SFMBT1: variants seen among roughly 807,000 people sequenced by gnomAD.
SFMBT1 encodes scm-like with four MBT domains protein 1.
SFMBT1 carries 32 observed loss-of-function variants against 108.7 expected under a neutral mutation model. That is an observed-to-expected ratio of 0.29 (90% CI 0.22 to 0.40). SFMBT1 has a LOEUF of 0.40. Ranked by LOEUF, SFMBT1 falls within the 10% of genes least tolerant of loss-of-function variation. The probability of loss-of-function intolerance (pLI) is 1.00; values close to 1 mark genes in which losing one functional copy is unlikely to be tolerated. For missense variants in SFMBT1, 816 were observed against 1,059.6 expected, an observed-to-expected ratio of 0.77 and a Z score of 3.19; for synonymous variants, 348 against 369.5, an observed-to-expected ratio of 0.94 and a Z score of 0.67.
At chr3:52,942,776 A>G (rs1703229175) in intron 4 of SFMBT1, among the ~76,000 whole-genome samples, 1 of 152,190 alleles carries the variant, frequency 6.6e-6, no homozygotes, top group African/African-American at 2.4e-5. Flanking sequence ...CAGCCTCCCA[A>G]AGTGGTGCCA....
chr3:52,926,007 C>T (rs768708003), intron 10 of SFMBT1, 24 bp downstream of exon 10: 3 of 1,600,148 alleles, frequency 1.9e-6, no homozygotes, highest in South Asian at 1.1e-5. Context: ...GCCATAGTGG[C>T]CATGAGGCCG....
At chr3:52,986,583 T>C (rs970664787) in intron 1 of SFMBT1, among the ~76,000 whole-genome samples, 8 of 151,552 alleles carry the variant, frequency 5.3e-5, no homozygotes, top group Non-Finnish European at 7.4e-5. Context: ...CTGGCCAACA[T>C]GGCAAAATCC....
chr3:52,969,325 G>C (rs1177236309), intron 1 of SFMBT1, 67 bp from the exon 2 acceptor site: 5 of 1,415,714 alleles, frequency 3.5e-6, no homozygotes, highest in African/African-American at 1.4e-5. Flanking sequence ...TCATCAAACA[G>C]GGCACTCGAC....
chr3:53,039,356 A>T (rs879875295), intron 1 of SFMBT1, among the ~76,000 whole-genome samples: 10 of 139,252 alleles, frequency 7.2e-5, no homozygotes, highest in Non-Finnish European at 1.1e-4. Context: ...GAATTAAGGC[A>T]ATCACAAAAG....
Position 52,954,418 on chromosome 3 carries a change from T to C in SFMBT1, c.29-7A>G, listed in dbSNP as rs879918739. 5 of 1,605,082 alleles carry C rather than the reference T, an allele frequency of 3.1e-6. No individual in the cohort carries two copies. Among genetic ancestry groups the C allele is most frequent in the Non-Finnish European group, 4.3e-6 (5 of 1,176,370 alleles). ...TCCATACCAGAGCCGGCATCTAGAA[T>C]TAAAAATAAAACAAAAACAGGTGAA... On this transcript the variant is annotated splice_polypyrimidine_tract_variant and splice_region_variant and intron_variant, in intron 2 of 20. Coordinates refer to ENST00000394752, the MANE Select transcript of SFMBT1 (RefSeq NM_016329.4).
At chr3:53,045,686 G>A (rs1244869789) in intron 1 of SFMBT1, 130 bp downstream of exon 1, 1 of 129,276 alleles carries the variant, frequency 7.7e-6, no homozygotes. Context: ...GCCGGCGCCC[G>A]GCGGTTTCCC....
rs1332848464 is a variant in SFMBT1, at chr3:52,993,625, A to C, written c.-130-24367T>G. The stretch of plus-strand genomic sequence containing the variant: ...CCTAGTAGGAGGTACAACTATGTAG[A>C]AACACTACAAAGTTACTGTGACAGT... On this transcript the variant is annotated intron_variant, in intron 1 of 20. Transcript: ENST00000394752. 1.3e-5 allele frequency among the ~76,000 whole-genome samples: 2 copies of C among 150,110 alleles called. 1 individual carries two copies. Among genetic ancestry groups the C allele is most frequent in the Admixed American group, 1.4e-4 (2 of 14,784 alleles).
intron 7 of SFMBT1, 72 bp downstream of exon 7, chr3:52,930,869 C>T: frequency 7.6e-7 from 1 of 1,310,730 alleles, no homozygotes; most frequent in East Asian, 2.3e-5. Context: ...CTGCTTTACA[C>T]TTTCACCTCC....
intron 1 of SFMBT1, among the ~76,000 whole-genome samples, chr3:53,013,936 A>G (rs1184305613): frequency 1.3e-5 from 2 of 152,102 alleles, no homozygotes; most frequent in Non-Finnish European, 2.9e-5. Context: ...GCCAAGAATC[A>G]TTTTATTTAA....
At chr3:52,906,954 A>G in intron 19 of SFMBT1, 115 bp downstream of exon 19, 1 of 1,341,276 alleles carries the variant, frequency 7.5e-7, no homozygotes, top group Non-Finnish European at 9.9e-7. Context: ...GACCCTGGAA[A>G]TTCTACATAA....
intron 4 of SFMBT1, among the ~76,000 whole-genome samples, chr3:52,939,765 T>G (rs1295363159): frequency 6.6e-6 from 1 of 152,136 alleles, no homozygotes; most frequent in Admixed American, 6.5e-5. Flanking sequence ...CTTTCCTTTT[T>G]TTCATCTGTT....
In SFMBT1 at chr3:52,916,947, T is replaced by C. The variant is rs1004367119; in HGVS notation, c.1416-733A>G. Among the ~76,000 whole-genome samples, 25 of 152,126 alleles carry C rather than the reference T, an allele frequency of 1.6e-4. 1 individual carries two copies. Among genetic ancestry groups the C allele is most frequent in the Non-Finnish European group, 4.4e-5 (3 of 68,014 alleles). Reference sequence around the variant, plus strand: ...GTTCGTTTTCTTCGTCCATCAGTTTTCAAATTAAAGACAAATTATGTTATT... The same window carrying C: ...GTTCGTTTTCTTCGTCCATCAGTTTCCAAATTAAAGACAAATTATGTTATT... On this transcript the variant is annotated intron_variant, in intron 13 of 20. Transcript: ENST00000394752.
chr3:52,907,039 A>G (rs1482084737), intron 19 of SFMBT1, 30 bp downstream of exon 19: 2 of 1,579,750 alleles, frequency 1.3e-6, no homozygotes, highest in Admixed American at 1.9e-5. Context: ...AGAGAAAGAA[A>G]GAAAAAAGAA....
intron 1 of SFMBT1, among the ~76,000 whole-genome samples, chr3:53,015,467 C>A (rs1038466760): frequency 6.6e-6 from 1 of 152,118 alleles, no homozygotes; most frequent in African/African-American, 2.4e-5. Context: ...AATGTTCACA[C>A]AAAAACTTGT....
At chr3:52,944,817 G>A (rs1249012649) in intron 3 of SFMBT1, among the ~76,000 whole-genome samples, 5 of 151,804 alleles carry the variant, frequency 3.3e-5, no homozygotes, top group Non-Finnish European at 7.4e-5. Flanking sequence ...CACCAGGCCC[G>A]GCCTCTTTTT....
At chr3:52,920,494 A>T (rs1418727212) in intron 12 of SFMBT1, 43 bp downstream of exon 12, 2 of 1,425,142 alleles carry the variant, frequency 1.4e-6, no homozygotes, top group African/African-American at 1.4e-5. Context: ...CACACAGAAG[A>T]TTATTTAACA....
intron 1 of SFMBT1, among the ~76,000 whole-genome samples, chr3:53,006,730 G>A (rs77737939): frequency 0.011 from 1,647 of 152,198 alleles, 9 homozygotes; most frequent in Non-Finnish European, 0.018. Context: ...GGATATGGAG[G>A]GGTCCTGGAA....
chr3:52,983,532 G>T (rs1704796927), intron 1 of SFMBT1, among the ~76,000 whole-genome samples: 1 of 152,118 alleles, frequency 6.6e-6, no homozygotes, highest in Non-Finnish European at 1.5e-5. Flanking sequence ...GAAAACAAAT[G>T]TTAGGAGAAA....
At chr3:52,980,105 T>C (rs890285578) in intron 1 of SFMBT1, among the ~76,000 whole-genome samples, 2 of 152,172 alleles carry the variant, frequency 1.3e-5, no homozygotes, top group African/African-American at 2.4e-5. Flanking sequence ...ACCACTTTTA[T>C]ATACAAATCT....
Sources: allele counts gnomAD v4.1 joint callset (sites outside exome capture counted in the v4.1 genomes callset), GRCh38; gene constraint gnomAD v4.1.1; transcripts MANE v1.5; gene names NCBI Gene and HGNC (gene_info 2026-07-23, HGNC 2026-07-21).